Variants in ARHGEF38 observed in about 807,000 individuals in gnomAD.
ARHGEF38 encodes Rho guanine nucleotide exchange factor (GEF) 38.
Under a neutral mutation model 79.9 loss-of-function variants are expected in ARHGEF38, and 79 were observed. The ratio of observed to expected loss-of-function variants is 0.99; its 90% CI spans 0.82 to 1.19. The LOEUF is 1.19. Among genes scored for constraint, ARHGEF38 ranks in the 50% most tolerant of loss-of-function variants. The probability of loss-of-function intolerance (pLI) is 0.00; values close to 1 mark genes in which losing one functional copy is unlikely to be tolerated. For synonymous variants in ARHGEF38, 366 were observed against 328.3 expected (o/e 1.11, Z -1.24); for missense variants, 962 against 907.2 (o/e 1.06, Z -0.78).
At chr4:105,663,823 T>A (rs1730650504) in intron 10 of ARHGEF38, among the ~76,000 whole-genome samples, 1 of 151,622 alleles carries the variant, frequency 6.6e-6, no homozygotes, top group African/African-American at 2.4e-5. Flanking sequence ...TACAAAAACT[T>A]GCCAGGTGTG....
Position 105,574,564 on chromosome 4 carries a change from AAAAG to A in ARHGEF38, c.197-14681_197-14678del, listed in dbSNP as rs1277158673. ...GACTCCATCTCAAAAAAAAAAAAAA[AAAAG>A]AAGTGGCAAGAGCAGGCATCCTTGT... is the stretch of plus-strand genomic sequence containing the variant. On this transcript the variant is annotated intron_variant, in intron 1 of 13. Coordinates refer to ENST00000420470, the MANE Select transcript of ARHGEF38 (RefSeq NM_001242729.2). Among the ~76,000 whole-genome samples the A allele has an allele frequency of 6.3e-3, 895 of 141,188 alleles. 19 individuals carry two copies. Among genetic ancestry groups the A allele is most frequent in the African/African-American group, 0.022 (842 of 38,360 alleles). 92.6% of individuals were successfully genotyped at this position (141,188 alleles called of 152,430 possible).
At position 105,678,357 on chromosome 4, in the gene ARHGEF38, A is replaced by G. The variant is rs1731191167; in HGVS notation, c.*420A>G. On this transcript the variant is annotated 3_prime_UTR_variant, in exon 14 of 14. Coordinates refer to ENST00000420470, the MANE Select transcript of ARHGEF38 (RefSeq NM_001242729.2). Reference sequence around the variant, plus strand: ...CTTGCAAATGCATACATGTTTATATACATACATATAAACCATATATATTAT... The same window carrying G: ...CTTGCAAATGCATACATGTTTATATGCATACATATAAACCATATATATTAT... 6.3e-6 allele frequency: 1 copy of G among 158,190 alleles called. No individual in the cohort carries two copies. The highest frequency in any genetic ancestry group is 2.4e-5 in the African/African-American group (1 of 41,520). 9.8% of individuals were successfully genotyped at this position (158,190 alleles called of 1,614,324 possible).
intron 10 of ARHGEF38, among the ~76,000 whole-genome samples, chr4:105,659,895 G>A (rs1053584449): frequency 3.4e-5 from 5 of 146,300 alleles, no homozygotes; most frequent in African/African-American, 7.6e-5. Context: ...GTGTAGCTTC[G>A]CCTCCCATTA....
At chr4:105,631,590 C>T (rs2110518551) in intron 4 of ARHGEF38, 1 of 985,278 alleles carries the variant, frequency 1.0e-6, no homozygotes. Context: ...ACACAATGTA[C>T]TTTTTCTTTT....
At chr4:105,597,629 A>C (rs1388276476) in intron 2 of ARHGEF38, among the ~76,000 whole-genome samples, 1 of 152,214 alleles carries the variant, frequency 6.6e-6, no homozygotes, top group African/African-American at 2.4e-5. Context: ...AATTGCCCTG[A>C]ACTCAGTGGA....
chr4:105,589,029 A>G (rs1560704996), intron 1 of ARHGEF38, among the ~76,000 whole-genome samples: 2 of 152,212 alleles, frequency 1.3e-5, no homozygotes, highest in Admixed American at 6.5e-5. Flanking sequence ...ACGATAATTG[A>G]GTATCATTTA....
At chr4:105,600,504 A>G (rs1727774835) in intron 2 of ARHGEF38, among the ~76,000 whole-genome samples, 1 of 152,164 alleles carries the variant, frequency 6.6e-6, no homozygotes, top group Non-Finnish European at 1.5e-5. Context: ...CACTAAAGTA[A>G]TTGAGGGCTC....
intron 9 of ARHGEF38, among the ~76,000 whole-genome samples, chr4:105,656,135 A>G (rs1486329480): frequency 1.3e-5 from 2 of 151,982 alleles, no homozygotes; most frequent in South Asian, 4.2e-4. Context: ...GCTCACTGAA[A>G]CCTCTGCCTC....
chr4:105,648,673 A>G lies in ARHGEF38; in HGVS notation c.999A>G (p.Gly333=). The G allele has an allele frequency of 6.6e-7, 1 of 1,514,246 alleles. No homozygotes were observed. Among genetic ancestry groups the G allele is most frequent in the South Asian group, 1.2e-5 (1 of 80,468 alleles). 93.8% of individuals were successfully genotyped at this position (1,514,246 alleles called of 1,614,324 possible). The change falls in exon 7 of 14, where the codon GGA becomes GGG. Residue 333 remains glycine, a synonymous_variant. Coordinates refer to ENST00000420470, the MANE Select transcript of ARHGEF38 (RefSeq NM_001242729.2). ...ATCATCTGAAGATTCTGACCAGAGG[A>G]GAATCACAGGTAATTTTTCTTCTTG... ...VTNHLKILTR[G]ESQVKDNTFN...
chr4:105,658,941 C>T, intron 9 of ARHGEF38, 113 bp from the exon 10 acceptor site: 1 of 911,334 alleles, frequency 1.1e-6, no homozygotes, highest in Non-Finnish European at 1.6e-6. Context: ...TAGGTGCTTT[C>T]CTGTTTTCTT....
intron 1 of ARHGEF38, among the ~76,000 whole-genome samples, chr4:105,582,566 A>G (rs191696412): frequency 1.6e-4 from 24 of 152,082 alleles, no homozygotes; most frequent in African/African-American, 4.8e-4. Context: ...TATTTTTGTT[A>G]TTTATTTCTA....
rs554936939 is a variant in ARHGEF38 at position 105,674,272 on chromosome 4, C to T, written c.2149-3480C>T. ...TGAGTTGTATTCACAGAATACTGCA[C>T]CTAAAATGAGTCAGAGCTTTATAGA... On this transcript the variant is annotated intron_variant, in intron 13 of 13. Transcript: ENST00000420470. Among the ~76,000 whole-genome samples the T allele has an allele frequency of 1.1e-4, 16 of 151,974 alleles. No homozygotes were observed. The South Asian group carries it at 3.3e-3, about 32-fold the overall frequency.
intron 2 of ARHGEF38, among the ~76,000 whole-genome samples, chr4:105,603,738 C>T (rs964360113): frequency 6.6e-6 from 1 of 152,188 alleles, no homozygotes; most frequent in South Asian, 2.1e-4. Context: ...AGCATTCAAG[C>T]ATCCCTGACC....
At chr4:105,555,789 G>A (rs1485402450) in intron 1 of ARHGEF38, among the ~76,000 whole-genome samples, 1 of 152,108 alleles carries the variant, frequency 6.6e-6, no homozygotes, top group Non-Finnish European at 1.5e-5. Context: ...AGTTCTCTGG[G>A]TTCCGTAAAA....
intron 13 of ARHGEF38, 101 bp downstream of exon 13, chr4:105,667,804 T>G: frequency 7.2e-7 from 1 of 1,390,430 alleles, no homozygotes; most frequent in Non-Finnish European, 9.6e-7. Flanking sequence ...AAGTGCCAGC[T>G]TTGACATCAA....
At chr4:105,640,481 T>C (rs1315226387) in intron 5 of ARHGEF38, among the ~76,000 whole-genome samples, 1 of 152,098 alleles carries the variant, frequency 6.6e-6, no homozygotes, top group Non-Finnish European at 1.5e-5. Context: ...TGCTATCAAT[T>C]TCATCTCCCC....
At chr4:105,607,516 C>CA (rs201626444) in intron 2 of ARHGEF38, among the ~76,000 whole-genome samples, 9,537 of 152,108 alleles carry the variant, frequency 0.063, 324 homozygotes, top group African/African-American at 0.079. Context: ...CTCATAAAGG[C>CA]AATTCTTAGA....
intron 2 of ARHGEF38, among the ~76,000 whole-genome samples, chr4:105,604,419 T>C (rs1727954557): frequency 6.6e-6 from 1 of 152,196 alleles, no homozygotes; most frequent in South Asian, 2.1e-4. Context: ...CACCACATCT[T>C]TTTGAGCCTT....
At chr4:105,649,181 C>A (rs936496755) in intron 7 of ARHGEF38, among the ~76,000 whole-genome samples, 1 of 152,058 alleles carries the variant, frequency 6.6e-6, no homozygotes, top group Non-Finnish European at 1.5e-5. Flanking sequence ...CTCCTTATCC[C>A]CTTCCTCTTC....
Sources: allele counts gnomAD v4.1 joint callset (sites outside exome capture counted in the v4.1 genomes callset), GRCh38; gene constraint gnomAD v4.1.1; transcripts MANE v1.5; gene names NCBI Gene and HGNC (gene_info 2026-07-23, HGNC 2026-07-21).